Variants in HECTD4 observed in about 807,000 individuals in gnomAD.
HECTD4 encodes probable E3 ubiquitin-protein ligase HECTD4.
Under a neutral mutation model 471.5 loss-of-function variants are expected in HECTD4, and 114 were observed. The observed-to-expected ratio is 0.24, with a 90% CI of 0.21 to 0.28. The LOEUF is 0.28. HECTD4 is among the 10% of genes least tolerant of loss of function. The pLI is 1.00. For synonymous variants in HECTD4, 2,012 were observed against 2,256.0 expected, an observed-to-expected ratio of 0.89 and a Z score of 3.07; for missense variants, 3,866 against 5,651.5, an observed-to-expected ratio of 0.68 and a Z score of 10.13.
chr12:112,345,009 T>C (rs1355579077), intron 1 of HECTD4, among the ~76,000 whole-genome samples: 1 of 152,038 alleles, frequency 6.6e-6, no homozygotes, highest in Non-Finnish European at 1.5e-5. Context: ...GTCCCAGCAC[T>C]TTGGGAGGCC....
Position 112,163,821 on chromosome 12 carries a change from C to G in HECTD4, c.12702-84G>C, listed in dbSNP as rs1021511527. On this transcript the variant is annotated intron_variant, in intron 73 of 75. Coordinates refer to ENST00000682272, the MANE Select transcript of HECTD4 (RefSeq NM_001388303.1). This position sits in a 1 kb window ranked among gnomAD's most constrained non-coding sequence, Gnocchi z 8.2. ...GCCACACCCACTCAGCTGGAGGTCC[C>G]GGATCCTCTCTTGGGAGAGGCCTGG... The G allele has an allele frequency of 2.4e-6, 3 of 1,251,860 alleles. No individual in the cohort carries two copies. The highest frequency in any genetic ancestry group is 3.2e-6 in the Non-Finnish European group (3 of 946,114). 77.5% of individuals were successfully genotyped at this position (1,251,860 alleles called of 1,614,324 possible). A position where few individuals can be genotyped will look rare whatever the true frequency, so the allele number is the denominator to read the frequency against.
At chr12:112,252,016 C>T (rs2033901247) in intron 23 of HECTD4, among the ~76,000 whole-genome samples, 1 of 152,194 alleles carries the variant, frequency 6.6e-6, no homozygotes, top group Admixed American at 6.5e-5. Context: ...AGCTGATTCA[C>T]CTGCCTCAGC....
chr12:112,190,762 G>A lies in HECTD4; in HGVS notation c.9472+24C>T, dbSNP rs372960933. The A allele has an allele frequency of 3.8e-4, 593 of 1,542,924 alleles. 7 individuals are homozygous for A. In the South Asian group the frequency reaches 6.7e-3, roughly 17 times the overall value. ...CAGCTCCACCCCCACCCTAGATTCCGATCCCCAGGGAAGGCAGCCTCACCT... is the reference window on the plus strand; with the variant it reads ...CAGCTCCACCCCCACCCTAGATTCCAATCCCCAGGGAAGGCAGCCTCACCT... On this transcript the variant is annotated intron_variant, in intron 60 of 75. Coordinates refer to ENST00000682272, the MANE Select transcript of HECTD4 (RefSeq NM_001388303.1).
chr12:112,289,023 G>A (rs1056059357), intron 7 of HECTD4, among the ~76,000 whole-genome samples: 2 of 152,222 alleles, frequency 1.3e-5, no homozygotes, highest in African/African-American at 4.8e-5. Flanking sequence ...ATTAATAATA[G>A]TTTGTTAGTT....
intron 55 of HECTD4, among the ~76,000 whole-genome samples, chr12:112,196,808 T>C (rs966027641): frequency 2.0e-5 from 3 of 152,080 alleles, no homozygotes; most frequent in African/African-American, 7.2e-5. Flanking sequence ...CTTTTTTTTG[T>C]TTTTTGAGAT....
Position 112,243,331 on chromosome 12 carries a change from T to C in HECTD4, c.4958+22A>G, listed in dbSNP as rs1593968656. The C allele has an allele frequency of 6.2e-7, 1 of 1,603,870 alleles. No homozygotes were observed. The highest frequency in any genetic ancestry group is 2.2e-5 in the East Asian group (1 of 44,574). The stretch of plus-strand genomic sequence containing the variant: ...TCTGACCATTCTAGAAAGGACAGTA[T>C]AAACTAACAGAAACAACTAACCTGG... On this transcript the variant is annotated intron_variant, in intron 32 of 75. Transcript: ENST00000682272. This position sits in a 1 kb window ranked among gnomAD's most constrained non-coding sequence, Gnocchi z 6.6.
At chr12:112,215,623 T>TA in intron 48 of HECTD4, among the ~76,000 whole-genome samples, 1 of 152,302 alleles carries the variant, frequency 6.6e-6, no homozygotes, top group East Asian at 1.9e-4. Context: ...AGGCTGTATC[T>TA]ACCAATAAGG....
Position 112,381,927 on chromosome 12 carries a change from G to T in HECTD4, c.177+25C>A. On this transcript the variant is annotated intron_variant, in intron 1 of 75. Coordinates refer to ENST00000682272, the MANE Select transcript of HECTD4 (RefSeq NM_001388303.1). The surrounding 1 kb of genome is among the most constrained non-coding windows in gnomAD (Gnocchi z 4.1). ...CGGGCGAGTGGGTCAGTCCGATGGC[G>T]GGGGCCGGGGGCCGCCTCGCTCACC... 1 of 1,219,642 alleles carries T rather than the reference G, an allele frequency of 8.2e-7. No homozygotes were observed. The highest frequency in any genetic ancestry group is 1.0e-6 in the Non-Finnish European group (1 of 979,536). 75.6% of individuals were successfully genotyped at this position (1,219,642 alleles called of 1,614,324 possible). A position where few individuals can be genotyped will look rare whatever the true frequency, so the allele number is the denominator to read the frequency against.
intron 24 of HECTD4, 127 bp from the exon 25 acceptor site, chr12:112,250,504 CCTT>C (rs2135588550): frequency 1.5e-6 from 1 of 686,142 alleles, no homozygotes; most frequent in East Asian, 2.7e-5. Context: ...ACTCATCAAA[CCTT>C]CTCCAGAAGC....
intron 44 of HECTD4, among the ~76,000 whole-genome samples, chr12:112,224,787 T>C (rs16941942): frequency 0.016 from 2,373 of 152,318 alleles, 66 homozygotes; most frequent in African/African-American, 0.053. Context: ...TCCTACCTTA[T>C]GCATTAAGTA....
chr12:112,256,213 C>T (rs1398122800), intron 21 of HECTD4, 107 bp downstream of exon 21: 2 of 795,954 alleles, frequency 2.5e-6, no homozygotes, highest in African/African-American at 3.5e-5. Flanking sequence ...GAGATATCTG[C>T]AGACAGAAAT....
At chr12:112,187,040 C>T (rs1401995654) in intron 60 of HECTD4, among the ~76,000 whole-genome samples, 10 of 151,406 alleles carry the variant, frequency 6.6e-5, no homozygotes, top group African/African-American at 9.7e-5. Context: ...AGTGCAATGG[C>T]GTGATCTTGG....
chr12:112,320,788 C>G (rs2035569618), intron 1 of HECTD4, among the ~76,000 whole-genome samples: 1 of 152,076 alleles, frequency 6.6e-6, no homozygotes, highest in Non-Finnish European at 1.5e-5. Context: ...TTCTTCAAAA[C>G]CTAATATATA....
Position 112,162,964 on chromosome 12 carries a change from G to T in HECTD4, c.13120+78C>A. 8.6e-7 allele frequency: 1 copy of T among 1,164,104 alleles called. No individual in the cohort carries two copies. The highest frequency in any genetic ancestry group is 1.5e-5 in the African/African-American group (1 of 65,246). The allele number at this position is 1,164,104 out of a possible 1,614,324, so 72.1% of individuals were successfully genotyped here. ...CCTGTTCATTGTTCTCCCTTCACAT[G>T]GGGCCTGGCAGCCCCAGTTCCAAAC... is the stretch of plus-strand genomic sequence containing the variant. On this transcript the variant is annotated intron_variant, in intron 75 of 75. Transcript: ENST00000682272. This position sits in a 1 kb window ranked among gnomAD's most constrained non-coding sequence, Gnocchi z 5.2.
Position 112,213,917 on chromosome 12 carries a change from G to A in HECTD4, c.7466-1267C>T, listed in dbSNP as rs949137699. ...TGTGCCTATGGTCCCAGTTACTCAG[G>A]AGGCTGAGATGGGAGGGTCACTTGA... On this transcript the variant is annotated intron_variant, in intron 48 of 75. Coordinates refer to ENST00000682272, the MANE Select transcript of HECTD4 (RefSeq NM_001388303.1). This position sits in a 1 kb window ranked among gnomAD's most constrained non-coding sequence, Gnocchi z 4.0. 6.6e-6 allele frequency among the ~76,000 whole-genome samples: 1 copy of A among 151,586 alleles called. No homozygotes were observed. The highest frequency in any genetic ancestry group is 1.5e-5 in the Non-Finnish European group (1 of 67,938).
chr12:112,257,986 A>G (rs1396103523), intron 20 of HECTD4, among the ~76,000 whole-genome samples: 1 of 152,110 alleles, frequency 6.6e-6, no homozygotes, highest in Non-Finnish European at 1.5e-5. Flanking sequence ...TCAGGAGTTC[A>G]AAACCAGCCT....
chr12:112,314,214 C>A (rs78657332), intron 3 of HECTD4, among the ~76,000 whole-genome samples: 168 of 151,774 alleles, frequency 1.1e-3, no homozygotes, highest in Non-Finnish European at 2.0e-3. Context: ...GTTATTATGC[C>A]CCACCAGCTA....
intron 13 of HECTD4, among the ~76,000 whole-genome samples, chr12:112,268,803 A>AAAAAAAAAACC (rs2034342067): frequency 8.0e-6 from 1 of 124,688 alleles, no homozygotes; most frequent in East Asian, 1.3e-3. Flanking sequence ...AAAACAAACC[A>AAAAAAAAAACC]AAAAAAAAAA....
chr12:112,248,073 A>G lies in HECTD4; in HGVS notation c.4242T>C (p.Phe1414=), dbSNP rs1394152324. ...AATCATACAATTTGCTCACCTCATT[A>G]AAATGGTAATCATAAAAGAAAGGCA... is the stretch of plus-strand genomic sequence containing the variant. ...NNMPFFYDYH[F]NENKMKELEL... is the part of the protein sequence containing the mutation. The change falls in exon 27 of 76, where the codon TTT becomes TTC. Residue 1414 remains phenylalanine (F), a synonymous_variant. Coordinates refer to ENST00000682272, the MANE Select transcript of HECTD4 (RefSeq NM_001388303.1). The G allele has an allele frequency of 6.2e-7, 1 of 1,611,334 alleles. No individual in the cohort carries two copies.
Sources: gnomAD v4.1 joint callset for allele counts (sites outside exome capture counted in the v4.1 genomes callset) on GRCh38, gnomAD v4.1.1 for gene constraint, Gnocchi (gnomAD v3.1) non-coding constraint, MANE v1.5 for transcripts, NCBI Gene and HGNC (gene_info 2026-07-23, HGNC 2026-07-21) for gene names.